ADAMTS19: variants seen among roughly 807,000 people sequenced by gnomAD.
ADAMTS19 encodes the protein A disintegrin and metalloproteinase with thrombospondin motifs 19.
ADAMTS19 carries 93 observed loss-of-function variants against 153.3 expected under a neutral mutation model. The observed-to-expected ratio is 0.61, with a 90% CI of 0.51 to 0.72. The LOEUF (loss-of-function observed/expected upper bound fraction) is 0.72, where lower values mean the gene tolerates loss of function less well. Among genes scored for constraint, ADAMTS19 ranks in the 30% least tolerant of loss-of-function variants. The pLI is 0.00. For synonymous variants in ADAMTS19, 600 were observed against 556.6 expected (o/e 1.08, Z -1.10); for missense variants, 1,482 against 1,552.1 (o/e 0.95, Z 0.76).
intron 7 of ADAMTS19, among the ~76,000 whole-genome samples, chr5:129,558,142 C>T (rs529010886): frequency 1.3e-5 from 2 of 152,108 alleles, no homozygotes; most frequent in Admixed American, 6.6e-5. Context: ...TCCTTTTAAA[C>T]AGTGGAGCAT....
chr5:129,519,004 A>G (rs1348440805), intron 3 of ADAMTS19, among the ~76,000 whole-genome samples: 1 of 152,078 alleles, frequency 6.6e-6, no homozygotes. Flanking sequence ...CAATATGCTA[A>G]TTGCATTTTT....
At chr5:129,612,687 G>A (rs565207510) in intron 8 of ADAMTS19, among the ~76,000 whole-genome samples, 4 of 151,884 alleles carry the variant, frequency 2.6e-5, no homozygotes, top group Admixed American at 6.6e-5. Flanking sequence ...CACACATAAC[G>A]ATACTAACCT....
At chr5:129,701,201 C>T (rs1211766683) in intron 19 of ADAMTS19, among the ~76,000 whole-genome samples, 187 bp from the exon 20 acceptor site, 2 of 151,080 alleles carry the variant, frequency 1.3e-5, no homozygotes, top group Non-Finnish European at 2.9e-5. Context: ...GTGTCTTGCT[C>T]CTCCCTGTCT....
At chr5:129,503,433 A>G (rs10075332) in intron 2 of ADAMTS19, among the ~76,000 whole-genome samples, 7 of 152,232 alleles carry the variant, frequency 4.6e-5, no homozygotes, top group African/African-American at 1.4e-4. Flanking sequence ...TAAGAAAAAC[A>G]TGAGGTATTA....
intron 2 of ADAMTS19, among the ~76,000 whole-genome samples, chr5:129,487,724 C>A (rs1188930799): frequency 6.6e-6 from 1 of 151,896 alleles, no homozygotes; most frequent in South Asian, 2.1e-4. Flanking sequence ...CTCTAAATAG[C>A]GTAATATTTT....
intron 3 of ADAMTS19, among the ~76,000 whole-genome samples, chr5:129,516,497 T>G (rs1394784320): frequency 6.6e-6 from 1 of 151,866 alleles, no homozygotes; most frequent in Non-Finnish European, 1.5e-5. Context: ...CTGTTCAGAT[T>G]TTTGATTTCT....
intron 13 of ADAMTS19, among the ~76,000 whole-genome samples, chr5:129,650,038 G>C (rs1320526249): frequency 6.6e-6 from 1 of 152,140 alleles, no homozygotes; most frequent in African/African-American, 2.4e-5. Context: ...AAAAAAATTA[G>C]CTGGGTGTTG....
intron 8 of ADAMTS19, among the ~76,000 whole-genome samples, chr5:129,608,552 T>C (rs770706956): frequency 6.6e-6 from 1 of 152,132 alleles, no homozygotes; most frequent in Non-Finnish European, 1.5e-5. Flanking sequence ...TTTGCATTGA[T>C]GTGCAGTAGT....
At chr5:129,710,078 G>A (rs1278690793) in intron 21 of ADAMTS19, among the ~76,000 whole-genome samples, 2 of 151,788 alleles carry the variant, frequency 1.3e-5, no homozygotes, top group Non-Finnish European at 2.9e-5. Flanking sequence ...CATCACCTAG[G>A]TATTAAGCCC....
chr5:129,687,424 C>T (rs1755142986), intron 18 of ADAMTS19, among the ~76,000 whole-genome samples: 2 of 152,180 alleles, frequency 1.3e-5, no homozygotes. Flanking sequence ...AGGAGTTAAA[C>T]ATACAGAACT....
intron 6 of ADAMTS19, among the ~76,000 whole-genome samples, chr5:129,550,862 G>T (rs1170680620): frequency 6.6e-6 from 1 of 151,502 alleles, no homozygotes. Context: ...GAACCTAAAA[G>T]CTTATTGCTA....
chr5:129,481,759 C>T (rs967790886), intron 2 of ADAMTS19, among the ~76,000 whole-genome samples: 7 of 152,142 alleles, frequency 4.6e-5, no homozygotes, highest in Admixed American at 1.3e-4. Context: ...AGTTCCCGAA[C>T]CCTCCCCAAA....
At chr5:129,658,309 A>AAAAGAAAGAAAGAAAGAAAG (rs150048700) in intron 14 of ADAMTS19, among the ~76,000 whole-genome samples, 6 of 113,620 alleles carry the variant, frequency 5.3e-5, no homozygotes, top group Non-Finnish European at 5.1e-5. Flanking sequence ...GAAAGAAAGA[A>AAAAGAAAGAAAGAAAGAAAG]AAAGAAAGAA....
chr5:129,659,347 T>C (rs962382091), intron 15 of ADAMTS19, among the ~76,000 whole-genome samples: 1 of 152,204 alleles, frequency 6.6e-6, no homozygotes, highest in African/African-American at 2.4e-5. Context: ...CTACATAGTA[T>C]TCATTTAAAG....
chr5:129,630,185 T>C (rs1305815571), intron 10 of ADAMTS19, among the ~76,000 whole-genome samples: 1 of 152,034 alleles, frequency 6.6e-6, no homozygotes, highest in Admixed American at 6.6e-5. Flanking sequence ...AGACTGGAAT[T>C]GAAATAAAGT....
rs906052233 is a variant in ADAMTS19 at position 129,738,395 on chromosome 5, G to A, written c.*1177G>A. The A allele has an allele frequency of 3.3e-5, 5 of 151,970 alleles. No individual in the cohort carries two copies. The highest frequency in any genetic ancestry group is 1.2e-4 in the African/African-American group (5 of 41,398). 9.4% of individuals were successfully genotyped at this position (151,970 alleles called of 1,614,324 possible). A position where few individuals can be genotyped will look rare whatever the true frequency, so the allele number is the denominator to read the frequency against. ...CACATGTCTGATGAACAAAGGTACT[G>A]TCTACTTTTGTTCTGGAGTATCTTC... is the stretch of plus-strand genomic sequence containing the variant. On this transcript the variant is annotated 3_prime_UTR_variant, in exon 23 of 23. Coordinates refer to ENST00000274487, the MANE Select transcript of ADAMTS19 (RefSeq NM_133638.6).
At chr5:129,689,741 A>C (rs578242770) in intron 18 of ADAMTS19, among the ~76,000 whole-genome samples, 2 of 152,274 alleles carry the variant, frequency 1.3e-5, no homozygotes, top group African/African-American at 4.8e-5. Flanking sequence ...TACATTTTAA[A>C]GGTACTATAC....
chr5:129,661,269 C>A (rs993870241), intron 15 of ADAMTS19, among the ~76,000 whole-genome samples: 1 of 152,058 alleles, frequency 6.6e-6, no homozygotes, highest in African/African-American at 2.4e-5. Flanking sequence ...TGTTTAACAC[C>A]ATATTTGCAA....
chr5:129,538,969 C>G (rs1196109997), intron 6 of ADAMTS19, among the ~76,000 whole-genome samples: 6 of 152,070 alleles, frequency 3.9e-5, no homozygotes, highest in African/African-American at 1.4e-4. Flanking sequence ...CTCTCCAACC[C>G]TAAGGTAATC....
Sources: allele counts gnomAD v4.1 joint callset (sites outside exome capture counted in the v4.1 genomes callset), GRCh38; gene constraint gnomAD v4.1.1; transcripts MANE v1.5; gene names NCBI Gene and HGNC (gene_info 2026-07-23, HGNC 2026-07-21).